TMEM163: variants seen among roughly 807,000 people sequenced by gnomAD.
TMEM163 encodes the protein transmembrane protein 163.
A neutral mutation model predicts 29.3 loss-of-function variants in TMEM163; 17 were observed. That is an observed-to-expected ratio of 0.58 (90% CI 0.40 to 0.87). The LOEUF (loss-of-function observed/expected upper bound fraction) is 0.87, where lower values mean the gene tolerates loss of function less well. Among genes scored for constraint, TMEM163 ranks in the 40% least tolerant of loss-of-function variants. The pLI is 0.00. For missense variants in TMEM163, 303 were observed against 381.5 expected (o/e 0.79, Z 1.71); for synonymous variants, 157 against 160.6 (o/e 0.98, Z 0.17).
chr2:134,661,294 A>G (rs1683744893), intron 2 of TMEM163, among the ~76,000 whole-genome samples: 1 of 152,132 alleles, frequency 6.6e-6, no homozygotes, highest in Non-Finnish European at 1.5e-5. Flanking sequence ...AGCTACCACA[A>G]CGGAGCAAAT....
Position 134,456,593 on chromosome 2 carries a change from G to C in TMEM163, c.*123C>G. ...CACCTGGCTGGGCAGACCTTGTCTT[G>C]TAATGACAAACCATGTGAAAGAAAA... On this transcript the variant is annotated 3_prime_UTR_variant, in exon 8 of 8. Coordinates refer to ENST00000281924, the MANE Select transcript of TMEM163 (RefSeq NM_030923.5). 8.2e-7 allele frequency: 1 copy of C among 1,212,660 alleles called. No homozygotes were observed. Among genetic ancestry groups the C allele is most frequent in the South Asian group, 1.3e-5 (1 of 75,776 alleles). The allele number at this position is 1,212,660 out of a possible 1,614,324, so 75.1% of individuals were successfully genotyped here.
At chr2:134,617,682 G>GA (rs1682639729) in intron 2 of TMEM163, among the ~76,000 whole-genome samples, 1 of 21,018 alleles carries the variant, frequency 4.8e-5, no homozygotes, top group African/African-American at 7.6e-4. Flanking sequence ...CAGAATAAAC[G>GA]GGAACAACAA....
At chr2:134,510,036 T>C (rs1679913581) in intron 4 of TMEM163, among the ~76,000 whole-genome samples, 2 of 152,248 alleles carry the variant, frequency 1.3e-5, no homozygotes, top group South Asian at 2.1e-4. Flanking sequence ...GGAGCAGCAA[T>C]GCAGTGGCCA....
At chr2:134,550,682 A>G in intron 3 of TMEM163, 21 bp from the exon 4 acceptor site, 3 of 1,610,926 alleles carry the variant, frequency 1.9e-6, no homozygotes, top group Non-Finnish European at 2.5e-6. Context: ...GAGACATGGC[A>G]TTAGAGGCTT....
intron 5 of TMEM163, among the ~76,000 whole-genome samples, chr2:134,473,222 T>G (rs1305314733): frequency 6.6e-6 from 1 of 151,688 alleles, no homozygotes; most frequent in Non-Finnish European, 1.5e-5. Flanking sequence ...AGGAAAGAAA[T>G]AATAAACTTA....
chr2:134,697,929 A>G (rs1017542597), intron 2 of TMEM163, among the ~76,000 whole-genome samples: 2 of 152,216 alleles, frequency 1.3e-5, no homozygotes, highest in African/African-American at 4.8e-5. Flanking sequence ...TAGTAGTCCC[A>G]AAATGATATA....
At chr2:134,533,497 T>G (rs1176602915) in intron 4 of TMEM163, among the ~76,000 whole-genome samples, 1 of 152,226 alleles carries the variant, frequency 6.6e-6, no homozygotes, top group Non-Finnish European at 1.5e-5. Flanking sequence ...AACACTCACT[T>G]TAACATTCAT....
At chr2:134,600,687 A>G (rs934366977) in intron 2 of TMEM163, among the ~76,000 whole-genome samples, 1 of 152,178 alleles carries the variant, frequency 6.6e-6, no homozygotes, top group Admixed American at 6.5e-5. Flanking sequence ...ATGAAAACAA[A>G]TGAGATCCTT....
chr2:134,628,742 C>T (rs565634709), intron 2 of TMEM163, among the ~76,000 whole-genome samples: 1 of 152,346 alleles, frequency 6.6e-6, no homozygotes, highest in Admixed American at 6.5e-5. Context: ...ACCCCATGTG[C>T]CATGTGCCGT....
chr2:134,677,041 G>A (rs147384506), intron 2 of TMEM163, among the ~76,000 whole-genome samples: 191 of 152,010 alleles, frequency 1.3e-3, no homozygotes, highest in Non-Finnish European at 2.2e-3. Context: ...CAGCCCACCC[G>A]AGAGAGAGAG....
intron 5 of TMEM163, among the ~76,000 whole-genome samples, chr2:134,498,598 C>T (rs1679627595): frequency 6.6e-6 from 1 of 152,132 alleles, no homozygotes; most frequent in South Asian, 2.1e-4. Context: ...TCCCAAAGTG[C>T]TGGAATTATA....
At chr2:134,480,844 T>C (rs1290038409) in intron 5 of TMEM163, among the ~76,000 whole-genome samples, 2 of 152,214 alleles carry the variant, frequency 1.3e-5, no homozygotes, top group Admixed American at 1.3e-4. Flanking sequence ...AATTATTATA[T>C]ACTTTTTTAT....
At chr2:134,524,708 T>C (rs1340531214) in intron 4 of TMEM163, among the ~76,000 whole-genome samples, 1 of 150,448 alleles carries the variant, frequency 6.6e-6, no homozygotes, top group African/African-American at 2.4e-5. Context: ...CTCATTCCTT[T>C]TTATGGCTGC....
intron 2 of TMEM163, among the ~76,000 whole-genome samples, chr2:134,589,374 T>C (rs1412591362): frequency 1.3e-5 from 2 of 152,118 alleles, no homozygotes; most frequent in African/African-American, 2.4e-5. Context: ...TGGCACAAGA[T>C]ATAGGTCACA....
chr2:134,489,050 G>T (rs1433194181), intron 5 of TMEM163, among the ~76,000 whole-genome samples: 1 of 151,958 alleles, frequency 6.6e-6, no homozygotes, highest in African/African-American at 2.4e-5. Flanking sequence ...ATGAAACATG[G>T]GCATAGTCTA....
chr2:134,649,965 A>G (rs1050469075), intron 2 of TMEM163, among the ~76,000 whole-genome samples: 2 of 144,514 alleles, frequency 1.4e-5, no homozygotes. Context: ...TGATCACACC[A>G]CTGCACTCCA....
intron 5 of TMEM163, among the ~76,000 whole-genome samples, chr2:134,498,513 G>A (rs931515437): frequency 7.2e-5 from 11 of 151,990 alleles, no homozygotes; most frequent in African/African-American, 2.7e-4. Context: ...TGTATTTTTA[G>A]TAGAGACGGG....
intron 5 of TMEM163, among the ~76,000 whole-genome samples, chr2:134,487,575 T>A (rs10496727): frequency 0.11 from 17,505 of 152,284 alleles, 1,243 homozygotes; most frequent in South Asian, 0.2. Flanking sequence ...GGAATATTAC[T>A]AATGCAATGT....
intron 2 of TMEM163, among the ~76,000 whole-genome samples, chr2:134,661,678 C>A (rs1428024552): frequency 6.6e-6 from 1 of 152,138 alleles, no homozygotes; most frequent in Non-Finnish European, 1.5e-5. Flanking sequence ...TTAAATTCTG[C>A]AGAATAAAGA....
Sources: allele counts gnomAD v4.1 joint callset (sites outside exome capture counted in the v4.1 genomes callset), GRCh38; gene constraint gnomAD v4.1.1; transcripts MANE v1.5; gene names NCBI Gene and HGNC (gene_info 2026-07-23, HGNC 2026-07-21).